Variants in TRPM6 observed in about 807,000 individuals in gnomAD.
TRPM6 encodes the protein channel kinase 2.
Under a neutral mutation model 247.6 loss-of-function variants are expected in TRPM6, and 111 were observed. The observed-to-expected ratio is 0.45, with a 90% CI of 0.38 to 0.52. The LOEUF is 0.52. Among genes scored for constraint, TRPM6 ranks in the 20% least tolerant of loss-of-function variants. The probability of loss-of-function intolerance (pLI) is 0.00; values close to 1 mark genes in which losing one functional copy is unlikely to be tolerated. For missense variants in TRPM6, 2,126 were observed against 2,421.5 expected, an observed-to-expected ratio of 0.88 and a Z score of 2.56; for synonymous variants, 892 against 853.8, an observed-to-expected ratio of 1.04 and a Z score of -0.78.
At chr9:74,757,564 A>C (rs968132694) in intron 27 of TRPM6, among the ~76,000 whole-genome samples, 1 of 108,292 alleles carries the variant, frequency 9.2e-6, no homozygotes, top group Non-Finnish European at 1.9e-5. Flanking sequence ...AGACCCTGTC[A>C]AAAAAAAAAA....
rs1826683627 is a variant in TRPM6, at chr9:74,762,536, T to C, written c.4135A>G (p.Ile1379Val). 1 of 1,614,212 alleles carries C rather than the reference T, an allele frequency of 6.2e-7. No individual in the cohort carries two copies. The highest frequency in any genetic ancestry group is 8.5e-7 in the Non-Finnish European group (1 of 1,180,040). Reference sequence around the variant, plus strand: ...AGATGAACAAGAACCTCAGTCTGGATGTCCTGTTCAGTTGCCAGCACATCT... The same window carrying C: ...AGATGAACAAGAACCTCAGTCTGGACGTCCTGTTCAGTTGCCAGCACATCT... The part of the protein sequence containing the change: ...VPDVLATEQD[I>V]QTEVLVHLTG... Residue 1379 changes from isoleucine to valine, a missense_variant, in exon 26 of 39, where the codon ATC becomes GTC. Ile to Val is a conservative substitution (Grantham distance 29, BLOSUM62 3). Transcript: ENST00000360774.
chr9:74,817,520 A>G (rs937603336), intron 9 of TRPM6, among the ~76,000 whole-genome samples: 20 of 152,240 alleles, frequency 1.3e-4, no homozygotes, highest in African/African-American at 4.8e-4. Context: ...ATGAATCCTC[A>G]AGGGTTTGTC....
intron 14 of TRPM6, among the ~76,000 whole-genome samples, chr9:74,806,971 G>T (rs889780594): frequency 6.6e-6 from 1 of 152,216 alleles, no homozygotes; most frequent in African/African-American, 2.4e-5. Context: ...CTGCACCAGC[G>T]CCACAGTCAG....
chr9:74,815,021 A>G (rs571411344), intron 11 of TRPM6, among the ~76,000 whole-genome samples: 1 of 152,300 alleles, frequency 6.6e-6, no homozygotes, highest in African/African-American at 2.4e-5. Flanking sequence ...CTACCAAAGG[A>G]AAGATAGGGA....
chr9:74,737,385 C>A (rs1241552144), intron 36 of TRPM6: 2 of 1,289,672 alleles, frequency 1.6e-6, no homozygotes, highest in South Asian at 1.2e-5. Context: ...CCAGGACTGT[C>A]TGCTTATCTC....
chr9:74,773,390 G>C (rs1827115616), intron 24 of TRPM6, among the ~76,000 whole-genome samples: 3 of 152,120 alleles, frequency 2.0e-5, no homozygotes, highest in African/African-American at 7.2e-5. Flanking sequence ...TGAAGAATGA[G>C]ATGTTATTAT....
At position 74,810,808 on chromosome 9, in the gene TRPM6, A is replaced by G. The variant is rs767005619; in HGVS notation, c.1497+7T>C. On this transcript the variant is annotated splice_region_variant and intron_variant, in intron 13 of 38. Transcript: ENST00000360774. ...AAGACATGTTCACGCCTTCTTAATT[A>G]GGTTACCTGTTTCACATCTTGGACG... 3.1e-5 allele frequency: 50 copies of G among 1,613,046 alleles called. No homozygotes were observed. Among genetic ancestry groups the G allele is most frequent in the Non-Finnish European group, 4.1e-5 (48 of 1,179,210 alleles).
chr9:74,852,884 C>T (rs1204923357), intron 3 of TRPM6, among the ~76,000 whole-genome samples: 2 of 152,276 alleles, frequency 1.3e-5, no homozygotes, highest in African/African-American at 4.8e-5. Context: ...CCCAAAGTGC[C>T]GAGATTGCAG....
At chr9:74,851,765 T>C (rs1440382382) in intron 3 of TRPM6, among the ~76,000 whole-genome samples, 1 of 123,772 alleles carries the variant, frequency 8.1e-6, no homozygotes, top group Admixed American at 7.9e-5. Context: ...AAAAAAAAAA[T>C]ATATATATAT....
chr9:74,760,790 T>C (rs1286256793), intron 27 of TRPM6, among the ~76,000 whole-genome samples: 15 of 152,076 alleles, frequency 9.9e-5, no homozygotes, highest in Admixed American at 9.8e-4. Flanking sequence ...CTTTAAGAGG[T>C]GACTGGATCA....
chr9:74,785,153 G>A (rs373815600), intron 21 of TRPM6, among the ~76,000 whole-genome samples: 4 of 151,928 alleles, frequency 2.6e-5, no homozygotes, highest in Admixed American at 6.6e-5. Flanking sequence ...TTAAACTATC[G>A]GATATAAACG....
chr9:74,748,513 G>A (rs1439794051), intron 30 of TRPM6, among the ~76,000 whole-genome samples: 1 of 152,188 alleles, frequency 6.6e-6, no homozygotes, highest in Admixed American at 6.5e-5. Context: ...AAGATGAGGA[G>A]GCAGGAGACA....
intron 7 of TRPM6, among the ~76,000 whole-genome samples, chr9:74,824,856 T>A (rs1230121603): frequency 6.6e-6 from 1 of 152,106 alleles, no homozygotes; most frequent in African/African-American, 2.4e-5. Context: ...AAGCCAGGGA[T>A]TCCTACAGCA....
intron 4 of TRPM6, 81 bp downstream of exon 4, chr9:74,842,085 T>C (rs1356774579): frequency 2.0e-5 from 30 of 1,509,898 alleles, no homozygotes; most frequent in Non-Finnish European, 2.7e-5. Flanking sequence ...CACTCCAGCC[T>C]GGGCAACAAG....
intron 36 of TRPM6, among the ~76,000 whole-genome samples, chr9:74,734,057 G>A (rs1825613447): frequency 6.6e-6 from 1 of 152,124 alleles, no homozygotes. Context: ...GCCTAAAAAG[G>A]TAACATAGGT....
chr9:74,733,278 T>C (rs1301970722), intron 36 of TRPM6, among the ~76,000 whole-genome samples: 2 of 151,874 alleles, frequency 1.3e-5, no homozygotes, highest in African/African-American at 4.8e-5. Flanking sequence ...AAACTAAATA[T>C]AAAAAATTAA....
intron 1 of TRPM6, among the ~76,000 whole-genome samples, chr9:74,886,349 C>G (rs1831527811): frequency 2.0e-5 from 3 of 152,216 alleles, no homozygotes; most frequent in Non-Finnish European, 2.9e-5. Context: ...TGTAAGAACC[C>G]AAAGCAGATG....
At chr9:74,834,758 G>C (rs529114014) in intron 5 of TRPM6, among the ~76,000 whole-genome samples, 2 of 151,980 alleles carry the variant, frequency 1.3e-5, no homozygotes, top group Non-Finnish European at 2.9e-5. Context: ...CCCTACAAGG[G>C]ACATGAACTC....
chr9:74,762,873 C>T lies in TRPM6; in HGVS notation c.3798G>A (p.Glu1266=), dbSNP rs148075951. 99 of 1,613,728 alleles carry T rather than the reference C, an allele frequency of 6.1e-5. No homozygotes were observed. The highest frequency in any genetic ancestry group is 8.0e-5 in the Non-Finnish European group (94 of 1,179,836). Residue 1266 remains glutamate, a synonymous_variant, in exon 26 of 39, where the codon GAG becomes GAA. Coordinates refer to ENST00000360774, the MANE Select transcript of TRPM6 (RefSeq NM_017662.5). ...VICAEVLGSM[E]IAGEKKYQYY... Reference sequence around the variant, plus strand: ...ACTGGTATTTCTTCTCTCCAGCGATCTCCATGCTGCCTAGAACCTCTGCAC... The same window carrying T: ...ACTGGTATTTCTTCTCTCCAGCGATTTCCATGCTGCCTAGAACCTCTGCAC...
Sources: gnomAD v4.1 joint callset for allele counts (sites outside exome capture counted in the v4.1 genomes callset) on GRCh38, gnomAD v4.1.1 for gene constraint, MANE v1.5 for transcripts, NCBI Gene and HGNC (gene_info 2026-07-23, HGNC 2026-07-21) for gene names.